The following GULP1 variants were observed in gnomAD, a reference collection of about 807,000 sequenced individuals.
The protein encoded by GULP1 is GULP PTB domain containing engulfment adaptor 1.
A neutral mutation model predicts 40.9 loss-of-function variants in GULP1; 19 were observed. The ratio of observed to expected loss-of-function variants is 0.46; its 90% CI spans 0.32 to 0.68. GULP1 has a LOEUF of 0.68. Ranked by LOEUF, GULP1 falls within the 30% of genes least tolerant of loss-of-function variation. GULP1 has a pLI of 0.03. For synonymous variants in GULP1, 119 were observed against 117.6 expected (o/e 1.01, Z -0.08); for missense variants, 312 against 362.2 (o/e 0.86, Z 1.12).
At chr2:188,425,880 A>G (rs58010509) in intron 2 of GULP1, among the ~76,000 whole-genome samples, 25 of 152,330 alleles carry the variant, frequency 1.6e-4, no homozygotes, top group African/African-American at 5.8e-4. Context: ...ATATGTATCT[A>G]GGATCGTATT....
chr2:188,336,804 T>A (rs1025524980), intron 1 of GULP1, among the ~76,000 whole-genome samples: 1 of 152,092 alleles, frequency 6.6e-6, no homozygotes, highest in African/African-American at 2.4e-5. Flanking sequence ...AAAAGACTAG[T>A]GTAGCTGGTG....
intron 2 of GULP1, among the ~76,000 whole-genome samples, chr2:188,417,467 G>C (rs1248316058): frequency 6.6e-6 from 1 of 152,056 alleles, no homozygotes; most frequent in Non-Finnish European, 1.5e-5. Flanking sequence ...GCTAAACTAT[G>C]TACTATAAGT....
Position 188,502,273 on chromosome 2 carries a change from A to T in GULP1, c.90+18781A>T, listed in dbSNP as rs910618303. 1.7e-4 allele frequency among the ~76,000 whole-genome samples: 26 copies of T among 151,780 alleles called. 1 individual carries two copies. The highest frequency in any genetic ancestry group is 1.3e-4 in the Admixed American group (2 of 15,208). On this transcript the variant is annotated intron_variant, in intron 4 of 11. Transcript: ENST00000409830. ...CATAGGCAGTAAGTTGTCCTGATTTACTCTATGGCTGGTGAAGCAATTCTT... is the reference window on the plus strand; with the variant it reads ...CATAGGCAGTAAGTTGTCCTGATTTTCTCTATGGCTGGTGAAGCAATTCTT...
chr2:188,418,621 A>G (rs1396311259), intron 2 of GULP1, among the ~76,000 whole-genome samples: 1 of 152,222 alleles, frequency 6.6e-6, no homozygotes, highest in East Asian at 1.9e-4. Flanking sequence ...GAATAGAGCC[A>G]GACAATGTCT....
rs1272470895 is a variant in GULP1, at chr2:188,541,100, CAT to C, written c.262-80_262-79del. On this transcript the variant is annotated intron_variant, in intron 6 of 11. Coordinates refer to ENST00000409830, the MANE Select transcript of GULP1 (RefSeq NM_016315.4). Reference sequence around the variant, plus strand: ...GATGATTGTTCTACTTTTAAAGTCACATGTTATTAACACAAACGAGTATTTCA... The same window carrying C: ...GATGATTGTTCTACTTTTAAAGTCACGTTATTAACACAAACGAGTATTTCA... 6.0e-6 allele frequency: 7 copies of C among 1,170,736 alleles called. No individual in the cohort carries two copies. In the African/African-American group the frequency reaches 9.2e-5, roughly 15 times the overall value. 72.5% of individuals were successfully genotyped at this position (1,170,736 alleles called of 1,614,324 possible).
intron 1 of GULP1, among the ~76,000 whole-genome samples, chr2:188,348,470 C>G (rs1391373581): frequency 6.6e-6 from 1 of 152,128 alleles, no homozygotes; most frequent in Admixed American, 6.6e-5. Context: ...GCTGATATTA[C>G]TCAGTGTTCC....
At position 188,462,819 on chromosome 2, in the gene GULP1, A is replaced by T. The variant is rs1037543342; in HGVS notation, c.-44-14840A>T. 2.6e-5 allele frequency among the ~76,000 whole-genome samples: 4 copies of T among 152,094 alleles called. No individual in the cohort carries two copies. The East Asian group carries it at 7.7e-4, about 29-fold the overall frequency. ...TGAGGTTACCATGAAGCTTGCAAATACCATCTTATAACCCATCATTTTAAG... is the reference window on the plus strand; with the variant it reads ...TGAGGTTACCATGAAGCTTGCAAATTCCATCTTATAACCCATCATTTTAAG... On this transcript the variant is annotated intron_variant, in intron 2 of 11. Coordinates refer to ENST00000409830, the MANE Select transcript of GULP1 (RefSeq NM_016315.4).
intron 4 of GULP1, among the ~76,000 whole-genome samples, chr2:188,511,667 G>T (rs1424309076): frequency 1.3e-5 from 2 of 151,986 alleles, no homozygotes; most frequent in Non-Finnish European, 2.9e-5. Context: ...GACTTGTTTG[G>T]ACTTAAACAT....
At chr2:188,402,977 G>T (rs1325485993) in intron 2 of GULP1, among the ~76,000 whole-genome samples, 1 of 152,122 alleles carries the variant, frequency 6.6e-6, no homozygotes, top group Non-Finnish European at 1.5e-5. Flanking sequence ...GCAAAGATGG[G>T]ATTAGAACCC....
At chr2:188,533,722 A>G (rs1261395287) in intron 6 of GULP1, among the ~76,000 whole-genome samples, 2 of 152,212 alleles carry the variant, frequency 1.3e-5, no homozygotes, top group Non-Finnish European at 2.9e-5. Flanking sequence ...GTATTTGCAA[A>G]CTATGCATTT....
intron 2 of GULP1, among the ~76,000 whole-genome samples, chr2:188,390,083 C>T (rs556724998): frequency 3.9e-5 from 6 of 152,108 alleles, no homozygotes; most frequent in Non-Finnish European, 7.4e-5. Flanking sequence ...CTGCAAAAAA[C>T]ATACGCATGC....
At chr2:188,585,824 A>G (rs1287310160) in intron 10 of GULP1, among the ~76,000 whole-genome samples, 2 of 152,146 alleles carry the variant, frequency 1.3e-5, no homozygotes, top group Non-Finnish European at 2.9e-5. Context: ...ATTAACATTC[A>G]GCTCCTTTTT....
chr2:188,530,748 T>G (rs1687326270), intron 6 of GULP1, among the ~76,000 whole-genome samples: 1 of 152,174 alleles, frequency 6.6e-6, no homozygotes, highest in Admixed American at 6.5e-5. Context: ...AGCCACCCAG[T>G]CAGTGGTATT....
intron 9 of GULP1, among the ~76,000 whole-genome samples, chr2:188,573,810 T>A (rs1699622647): frequency 6.6e-6 from 1 of 152,126 alleles, no homozygotes. Flanking sequence ...ACAACATAGG[T>A]GGGTATGGTG....
At chr2:188,347,007 A>G (rs1056575873) in intron 1 of GULP1, among the ~76,000 whole-genome samples, 1 of 151,920 alleles carries the variant, frequency 6.6e-6, no homozygotes, top group Non-Finnish European at 1.5e-5. Context: ...TAGAGAGTGC[A>G]TTGTTCTTTA....
At chr2:188,569,120 C>T (rs1043111042) in intron 7 of GULP1, 119 bp from the exon 8 acceptor site, 3 of 643,506 alleles carry the variant, frequency 4.7e-6, no homozygotes, top group African/African-American at 3.7e-5. Context: ...AACTGTTGCC[C>T]TTTTGAAGTA....
At chr2:188,312,078 A>G (rs1371144748) in intron 1 of GULP1, among the ~76,000 whole-genome samples, 2 of 151,998 alleles carry the variant, frequency 1.3e-5, no homozygotes, top group Non-Finnish European at 2.9e-5. Flanking sequence ...ATATAATTCA[A>G]AAACACCATA....
chr2:188,360,908 A>G (rs946016290), intron 1 of GULP1, among the ~76,000 whole-genome samples: 1 of 152,102 alleles, frequency 6.6e-6, no homozygotes, highest in Non-Finnish European at 1.5e-5. Context: ...TTTAGTTACC[A>G]TACAATTGAA....
chr2:188,457,833 C>A (rs910141205), intron 2 of GULP1, among the ~76,000 whole-genome samples: 4 of 152,164 alleles, frequency 2.6e-5, no homozygotes, highest in African/African-American at 9.7e-5. Context: ...CCCACACATG[C>A]ATTCCCTCAT....
Sources: gnomAD v4.1 joint callset for allele counts (sites outside exome capture counted in the v4.1 genomes callset) on GRCh38, gnomAD v4.1.1 for gene constraint, MANE v1.5 for transcripts, NCBI Gene and HGNC (gene_info 2026-07-23, HGNC 2026-07-21) for gene names.